Variants in HERPUD2 observed in about 807,000 individuals in gnomAD.
HERPUD2 encodes the protein homocysteine-responsive endoplasmic reticulum-resident ubiquitin-like domain member 2 protein.
In HERPUD2, 13 loss-of-function variants were observed where a neutral mutation model predicts 49.9. The observed-to-expected ratio is 0.26, with a 90% CI of 0.17 to 0.41. The LOEUF is 0.41. HERPUD2 is among the 10% of genes least tolerant of loss of function. The pLI is 1.00. For missense variants in HERPUD2, 449 were observed against 492.2 expected, an observed-to-expected ratio of 0.91 and a Z score of 0.83; for synonymous variants, 172 against 171.4, an observed-to-expected ratio of 1.00 and a Z score of -0.03.
intron 2 of HERPUD2, among the ~76,000 whole-genome samples, chr7:35,678,445 C>T (rs567144725): frequency 1.3e-5 from 2 of 152,126 alleles, no homozygotes; most frequent in African/African-American, 4.8e-5. Flanking sequence ...GGATTACAGT[C>T]GTGCACCACC....
intron 2 of HERPUD2, among the ~76,000 whole-genome samples, chr7:35,682,123 T>C (rs1307405348): frequency 1.1e-4 from 17 of 152,066 alleles, no homozygotes; most frequent in Middle Eastern, 6.8e-3. Context: ...CTGCAACCTC[T>C]GCCTCCTGAG....
intron 2 of HERPUD2, among the ~76,000 whole-genome samples, chr7:35,685,801 A>C (rs183570447): frequency 0.011 from 1,689 of 152,062 alleles, 17 homozygotes; most frequent in Middle Eastern, 0.024. Flanking sequence ...AACATGGTGG[A>C]AACCTCATCT....
rs1258067897 is a variant in HERPUD2 at position 35,694,048 on chromosome 7, G to C, written c.147+136C>G. ...CGAACACTCAGGAGACACAACCTCAGAACTCAAAATACCTCGCGGTCTACC... is the reference window on the plus strand; with the variant it reads ...CGAACACTCAGGAGACACAACCTCACAACTCAAAATACCTCGCGGTCTACC... On this transcript the variant is annotated intron_variant, in intron 2 of 8. Transcript: ENST00000311350. 4.8e-6 allele frequency: 4 copies of C among 831,702 alleles called. No individual in the cohort carries two copies. In the African/African-American group the frequency reaches 5.1e-5, roughly 11 times the overall value. 51.5% of individuals were successfully genotyped at this position (831,702 alleles called of 1,614,324 possible). A position where few individuals can be genotyped will look rare whatever the true frequency, so the allele number is the denominator to read the frequency against.
intron 2 of HERPUD2, 72 bp downstream of exon 2, chr7:35,694,112 C>T: frequency 6.6e-7 from 1 of 1,518,678 alleles, no homozygotes. Flanking sequence ...AGGGGAGAAG[C>T]AGGAAAAAGG....
chr7:35,637,836 G>C (rs762501700), intron 6 of HERPUD2, among the ~76,000 whole-genome samples: 3 of 152,172 alleles, frequency 2.0e-5, no homozygotes, highest in Admixed American at 6.5e-5. Flanking sequence ...GAAACAAGGA[G>C]AGGAGAATGG....
At chr7:35,682,479 A>G (rs1355970479) in intron 2 of HERPUD2, among the ~76,000 whole-genome samples, 3 of 150,984 alleles carry the variant, frequency 2.0e-5, no homozygotes, top group Non-Finnish European at 4.4e-5. Context: ...GGAAAAGTTG[A>G]AAACATTCCC....
At chr7:35,637,547 T>C (rs1784891280) in intron 6 of HERPUD2, among the ~76,000 whole-genome samples, 1 of 152,078 alleles carries the variant, frequency 6.6e-6, no homozygotes, top group Middle Eastern at 3.2e-3. Context: ...CCTATGGAAA[T>C]CTTCCAACAA....
At chr7:35,679,984 T>C (rs1785844456) in intron 2 of HERPUD2, among the ~76,000 whole-genome samples, 1 of 152,202 alleles carries the variant, frequency 6.6e-6, no homozygotes, top group Non-Finnish European at 1.5e-5. Context: ...CTCAGATCAG[T>C]CTACTTCTTT....
intron 2 of HERPUD2, among the ~76,000 whole-genome samples, chr7:35,673,994 G>A (rs1408071538): frequency 6.6e-6 from 1 of 151,912 alleles, no homozygotes; most frequent in Non-Finnish European, 1.5e-5. Flanking sequence ...TCCACATAAG[G>A]CCTACTTCAT....
Position 35,638,436 on chromosome 7 carries a change from T to C in HERPUD2, c.531A>G (p.Pro177=). The change falls in exon 6 of 9, where the codon CCA becomes CCG. Residue 177 remains proline, a synonymous_variant. Transcript: ENST00000311350. ...ACGCGGGATACACTGGGAATCCAGG[T>C]GGAGCAGCTTGCCCAGGAAATTGGT... ...VDNQFPGQAA[P]PGFPVYPAFS... The C allele has an allele frequency of 6.2e-7, 1 of 1,613,748 alleles. No individual in the cohort carries two copies. Among genetic ancestry groups the C allele is most frequent in the Non-Finnish European group, 8.5e-7 (1 of 1,179,722 alleles).
At chr7:35,663,436 A>C (rs1201844890) in intron 5 of HERPUD2, among the ~76,000 whole-genome samples, 1 of 152,176 alleles carries the variant, frequency 6.6e-6, no homozygotes, top group Admixed American at 6.5e-5. Context: ...TGCAGAGCTG[A>C]GTTCAATTCC....
At chr7:35,649,424 A>G (rs999216419) in intron 5 of HERPUD2, among the ~76,000 whole-genome samples, 29 of 152,206 alleles carry the variant, frequency 1.9e-4, no homozygotes, top group African/African-American at 7.0e-4. Flanking sequence ...TTGTCAACAA[A>G]AAGTGTGAAA....
rs369044326 is a variant in HERPUD2, at chr7:35,643,611, T to TAC, written c.495-5141_495-5140dup. Among the ~76,000 whole-genome samples the TAC allele has an allele frequency of 1.2e-3, 180 of 149,782 alleles. 1 individual carries two copies. Among genetic ancestry groups the TAC allele is most frequent in the East Asian group, 1.9e-3 (10 of 5,148 alleles). On this transcript the variant is annotated intron_variant, in intron 5 of 8. Transcript: ENST00000311350. The stretch of plus-strand genomic sequence containing the variant: ...ATATGTGTGTATACATATATGTGTG[T>TAC]ACACACACACACACACACTTTCATG...
At chr7:35,641,484 T>C (rs1459798428) in intron 5 of HERPUD2, among the ~76,000 whole-genome samples, 1 of 152,150 alleles carries the variant, frequency 6.6e-6, no homozygotes, top group Non-Finnish European at 1.5e-5. Context: ...TTTAAAATCC[T>C]TATGGAACCA....
chr7:35,670,325 C>T lies in HERPUD2; in HGVS notation c.229G>A (p.Asp77Asn). 1 of 1,432,054 alleles carries T rather than the reference C, an allele frequency of 7.0e-7. No homozygotes were observed. The highest frequency in any genetic ancestry group is 9.4e-7 in the Non-Finnish European group (1 of 1,061,486). 88.7% of individuals were successfully genotyped at this position (1,432,054 alleles called of 1,614,324 possible). A position where few individuals can be genotyped will look rare whatever the true frequency, so the allele number is the denominator to read the frequency against. The change falls in exon 4 of 9, where the codon GAT (aspartate) becomes AAT (asparagine). Residue 77 changes from aspartate to asparagine, a missense_variant. Transcript: ENST00000311350. ...ACTAGATGAACCATATGATACTCAT[C>T]TTGCTAAAATTAAAGAAGATTACAT... ...LQLKDILRKQDEYHMVHLVCT... is the reference protein window; with the variant it reads ...LQLKDILRKQNEYHMVHLVCT...
chr7:35,690,795 G>A (rs1183097923), intron 2 of HERPUD2, among the ~76,000 whole-genome samples: 2 of 147,142 alleles, frequency 1.4e-5, no homozygotes, highest in African/African-American at 5.0e-5. Context: ...GGAAACAAAA[G>A]CGAAACTCCG....
chr7:35,661,290 T>A lies in HERPUD2; in HGVS notation c.494+6144A>T, dbSNP rs532049459. Among the ~76,000 whole-genome samples the A allele has an allele frequency of 2.6e-4, 39 of 152,364 alleles. 1 individual carries two copies. Among genetic ancestry groups the A allele is most frequent in the Middle Eastern group, 3.4e-3 (1 of 294 alleles). ...TGTTTTGGTTACTGTAGCCTTGTAGTATAGTTTGAGGTCAGGTAGCGTGAT... is the reference window on the plus strand; with the variant it reads ...TGTTTTGGTTACTGTAGCCTTGTAGAATAGTTTGAGGTCAGGTAGCGTGAT... On this transcript the variant is annotated intron_variant, in intron 5 of 8. Transcript: ENST00000311350.
intron 5 of HERPUD2, among the ~76,000 whole-genome samples, chr7:35,650,854 C>T (rs1463137613): frequency 6.6e-6 from 1 of 152,178 alleles, no homozygotes; most frequent in Non-Finnish European, 1.5e-5. Flanking sequence ...TCACGCCATC[C>T]TCGCCTACCA....
At chr7:35,639,955 A>T (rs527393167) in intron 5 of HERPUD2, among the ~76,000 whole-genome samples, 1 of 152,284 alleles carries the variant, frequency 6.6e-6, no homozygotes, top group Non-Finnish European at 1.5e-5. Flanking sequence ...TCCTTCATAT[A>T]GGGTCCTATA....
Sources: gnomAD v4.1 joint callset for allele counts (sites outside exome capture counted in the v4.1 genomes callset) on GRCh38, gnomAD v4.1.1 for gene constraint, MANE v1.5 for transcripts, NCBI Gene and HGNC (gene_info 2026-07-23, HGNC 2026-07-21) for gene names.